NRG1: variants seen among roughly 807,000 people sequenced by gnomAD.
NRG1 encodes pro-neuregulin-1, membrane-bound isoform.
NRG1 carries 18 observed loss-of-function variants against 63.8 expected under a neutral mutation model. That is an observed-to-expected ratio of 0.28 (90% CI 0.19 to 0.42). The LOEUF is 0.42. NRG1 is among the 10% of genes least tolerant of loss of function. NRG1 has a pLI of 1.00. For synonymous variants in NRG1, 302 were observed against 301.3 expected, an observed-to-expected ratio of 1.00 and a Z score of -0.02; for missense variants, 762 against 814.7, an observed-to-expected ratio of 0.94 and a Z score of 0.79.
chr8:31,691,704 T>C (rs182689193), intron 1 of NRG1, among the ~76,000 whole-genome samples: 30 of 152,210 alleles, frequency 2.0e-4, no homozygotes, highest in Non-Finnish European at 4.0e-4. Context: ...TTTTTTCTTA[T>C]GCAATTACTT....
chr8:31,881,209 G>A (rs1474839486), intron 1 of NRG1, among the ~76,000 whole-genome samples: 3 of 152,062 alleles, frequency 2.0e-5, no homozygotes, highest in Non-Finnish European at 1.5e-5. Flanking sequence ...AAGTCTATTG[G>A]TGCCATTGTT....
At position 32,028,207 on chromosome 8, in the gene NRG1, T is replaced by C. The variant is rs138838793; in HGVS notation, c.37+388776T>C. 2.7e-3 allele frequency among the ~76,000 whole-genome samples: 418 copies of C among 152,332 alleles called. 3 individuals are homozygous for C. Among genetic ancestry groups the C allele is most frequent in the African/African-American group, 9.6e-3 (399 of 41,584 alleles). ...GAAAGAAAATTGCGCAAAGGACTTG[T>C]GTCCATACCGTTTTTTTGGCCTCAC... On this transcript the variant is annotated intron_variant, in intron 1 of 10. Transcript: ENST00000519301.
intron 7 of NRG1, among the ~76,000 whole-genome samples, chr8:32,752,533 G>A (rs2129050945): frequency 6.6e-6 from 1 of 152,270 alleles, no homozygotes; most frequent in East Asian, 1.9e-4. Flanking sequence ...GAGTTATGCT[G>A]TATGGAATGA....
intron 1 of NRG1, among the ~76,000 whole-genome samples, chr8:32,186,611 C>G (rs1423157238): frequency 6.6e-6 from 1 of 152,212 alleles, no homozygotes; most frequent in Non-Finnish European, 1.5e-5. Context: ...GATGCAGATT[C>G]TCACCACACA....
intron 1 of NRG1, among the ~76,000 whole-genome samples, chr8:32,477,467 A>G (rs185853165): frequency 4.7e-4 from 71 of 152,346 alleles, no homozygotes; most frequent in African/African-American, 1.6e-3. Context: ...TGTCTTATAT[A>G]TGCTGTTTAG....
chr8:32,687,091 G>A (rs1001494735), intron 5 of NRG1, among the ~76,000 whole-genome samples: 1 of 152,180 alleles, frequency 6.6e-6, no homozygotes, highest in African/African-American at 2.4e-5. Context: ...TCTATATAAA[G>A]CTGTATCAAC....
At chr8:32,336,755 G>T (rs1803320424) in intron 1 of NRG1, among the ~76,000 whole-genome samples, 1 of 152,112 alleles carries the variant, frequency 6.6e-6, no homozygotes, top group Non-Finnish European at 1.5e-5. Flanking sequence ...AATTACAAGT[G>T]CCCGCAGCTA....
intron 2 of NRG1, among the ~76,000 whole-genome samples, chr8:32,598,372 TA>T (rs991016757): frequency 1.4e-5 from 2 of 140,512 alleles, no homozygotes; most frequent in Non-Finnish European, 3.2e-5. Context: ...TGAATTTTTT[TA>T]AAAAAGTGAA....
intron 5 of NRG1, among the ~76,000 whole-genome samples, chr8:32,637,524 G>A (rs762532910): frequency 2.0e-5 from 3 of 152,096 alleles, no homozygotes; most frequent in Non-Finnish European, 4.4e-5. Flanking sequence ...AATTAAAAGA[G>A]GATGTAACCT....
chr8:32,051,929 A>G (rs892700549), intron 1 of NRG1, among the ~76,000 whole-genome samples: 14 of 152,302 alleles, frequency 9.2e-5, no homozygotes, highest in South Asian at 2.1e-4. Flanking sequence ...TTGTTGAGAC[A>G]TTAAAATAGT....
chr8:31,898,864 T>G (rs1563541558), intron 1 of NRG1, among the ~76,000 whole-genome samples: 1 of 152,232 alleles, frequency 6.6e-6, no homozygotes. Flanking sequence ...TTCTTTTTTT[T>G]CTTTGCATCC....
intron 1 of NRG1, among the ~76,000 whole-genome samples, chr8:32,413,642 G>C (rs961933859): frequency 7.2e-5 from 11 of 152,162 alleles, no homozygotes; most frequent in African/African-American, 2.4e-4. Flanking sequence ...ACAGAAAACA[G>C]ACCTAATAAA....
At chr8:32,621,867 A>G (rs906172585) in intron 5 of NRG1, among the ~76,000 whole-genome samples, 1 of 152,188 alleles carries the variant, frequency 6.6e-6, no homozygotes, top group African/African-American at 2.4e-5. Flanking sequence ...CTGCTATGTC[A>G]CATAACGTTT....
intron 1 of NRG1, among the ~76,000 whole-genome samples, chr8:32,506,218 A>C (rs1054472891): frequency 6.6e-6 from 1 of 152,232 alleles, no homozygotes; most frequent in Non-Finnish European, 1.5e-5. Context: ...ACTGCGCTCC[A>C]GCCTGGGCAA....
intron 1 of NRG1, among the ~76,000 whole-genome samples, chr8:31,763,556 C>G (rs1172913904): frequency 6.6e-6 from 1 of 152,066 alleles, no homozygotes; most frequent in East Asian, 1.9e-4. Context: ...ATCATGAAAC[C>G]AAGTAATGGT....
intron 1 of NRG1, among the ~76,000 whole-genome samples, chr8:32,290,380 A>T (rs1018536071): frequency 6.6e-6 from 1 of 152,066 alleles, no homozygotes; most frequent in Non-Finnish European, 1.5e-5. Flanking sequence ...GGGTGTAAAT[A>T]TATAATTTAT....
At chr8:32,572,967 T>G (rs1263000246) in intron 1 of NRG1, among the ~76,000 whole-genome samples, 1 of 152,244 alleles carries the variant, frequency 6.6e-6, no homozygotes, top group African/African-American at 2.4e-5. Context: ...GCCACCATTT[T>G]TCCTAATCTG....
intron 1 of NRG1, among the ~76,000 whole-genome samples, chr8:31,826,207 C>T (rs1322369704): frequency 6.6e-6 from 1 of 152,118 alleles, no homozygotes; most frequent in Non-Finnish European, 1.5e-5. Flanking sequence ...CTGGGACATC[C>T]TCCAAGAGAG....
intron 8 of NRG1, 68 bp from the exon 9 acceptor site, chr8:32,756,335 A>G: frequency 6.4e-7 from 1 of 1,561,140 alleles, no homozygotes; most frequent in Non-Finnish European, 8.7e-7. Flanking sequence ...TTGGTAGAAT[A>G]AAGACTTGGC....
Sources: gnomAD v4.1 joint callset for allele counts (sites outside exome capture counted in the v4.1 genomes callset) on GRCh38, gnomAD v4.1.1 for gene constraint, MANE v1.5 for transcripts, NCBI Gene and HGNC (gene_info 2026-07-23, HGNC 2026-07-21) for gene names.